Variants in DNAH14 observed in about 807,000 individuals in gnomAD.
The protein encoded by DNAH14 is axonemal beta dynein heavy chain 14.
DNAH14 carries 478 observed loss-of-function variants against 520.9 expected under a neutral mutation model. That is an observed-to-expected ratio of 0.92 (90% CI 0.85 to 0.99). The LOEUF (loss-of-function observed/expected upper bound fraction) is 0.99. DNAH14 is among the 50% of genes least tolerant of loss of function. The probability of loss-of-function intolerance (pLI) is 0.00; values close to 1 mark genes in which losing one functional copy is unlikely to be tolerated. For synonymous variants in DNAH14, 1,581 were observed against 1,757.2 expected (o/e 0.90, Z 2.51); for missense variants, 4,831 against 5,234.5 (o/e 0.92, Z 2.38).
intron 21 of DNAH14, among the ~76,000 whole-genome samples, chr1:225,089,748 TA>T (rs34577348): frequency 5.3e-5 from 8 of 152,172 alleles, no homozygotes; most frequent in Non-Finnish European, 5.9e-5. Context: ...CAGTACATTT[TA>T]AAAAATTTTT....
chr1:225,081,271 T>A (rs557493691), intron 19 of DNAH14, among the ~76,000 whole-genome samples: 169 of 152,340 alleles, frequency 1.1e-3, no homozygotes, highest in African/African-American at 3.8e-3. Context: ...TTGCTTTTTT[T>A]AAAGACTCCT....
At chr1:225,174,844 C>A (rs2083140225) in intron 36 of DNAH14, among the ~76,000 whole-genome samples, 1 of 152,062 alleles carries the variant, frequency 6.6e-6, no homozygotes, top group Non-Finnish European at 1.5e-5. Flanking sequence ...TGATGTATGT[C>A]CCTTCTATGC....
chr1:225,309,134 T>C (rs1402651633), intron 60 of DNAH14, among the ~76,000 whole-genome samples: 1 of 152,238 alleles, frequency 6.6e-6, no homozygotes, highest in East Asian at 1.9e-4. Context: ...AAATACAGAT[T>C]GCAAATAGTC....
intron 41 of DNAH14, among the ~76,000 whole-genome samples, chr1:225,225,142 G>A (rs985124236): frequency 2.6e-5 from 4 of 152,122 alleles, no homozygotes; most frequent in Admixed American, 2.6e-4. Context: ...AACTTACCCA[G>A]AGACTAGCTA....
chr1:225,360,972 T>C, intron 75 of DNAH14, 81 bp downstream of exon 75: 1 of 1,295,720 alleles, frequency 7.7e-7, no homozygotes, highest in Non-Finnish European at 1.1e-6. Context: ...CAATGTATAC[T>C]GTGTGTAAAC....
chr1:225,219,705 T>A (rs952939630), intron 41 of DNAH14, among the ~76,000 whole-genome samples: 2 of 152,104 alleles, frequency 1.3e-5, no homozygotes, highest in African/African-American at 4.8e-5. Context: ...CCAGACAGAT[T>A]AACATCTGAA....
intron 17 of DNAH14, among the ~76,000 whole-genome samples, chr1:225,059,354 C>T (rs576765418): frequency 4.6e-5 from 7 of 152,068 alleles, no homozygotes; most frequent in Non-Finnish European, 1.0e-4. Flanking sequence ...GCAACTCCTG[C>T]CTTTTTTTGT....
chr1:225,077,250 A>C (rs1041163230), intron 17 of DNAH14, among the ~76,000 whole-genome samples: 1 of 152,182 alleles, frequency 6.6e-6, no homozygotes, highest in Non-Finnish European at 1.5e-5. Flanking sequence ...TCTCACATCC[A>C]AATTGATAGA....
chr1:224,943,091 C>T (rs1206585439), intron 1 of DNAH14, among the ~76,000 whole-genome samples: 1 of 152,200 alleles, frequency 6.6e-6, no homozygotes, highest in Admixed American at 6.5e-5. Flanking sequence ...ACCAGCTCTT[C>T]CTTGTACTTC....
chr1:224,959,997 G>A (rs2060744116), intron 3 of DNAH14, among the ~76,000 whole-genome samples, 156 bp from the exon 4 acceptor site: 1 of 152,088 alleles, frequency 6.6e-6, no homozygotes, highest in African/African-American at 2.4e-5. Context: ...TTGTATATGA[G>A]CTTGGAACCC....
chr1:225,020,570 A>G (rs1270825451), intron 10 of DNAH14, among the ~76,000 whole-genome samples: 1 of 151,936 alleles, frequency 6.6e-6, no homozygotes, highest in Non-Finnish European at 1.5e-5. Flanking sequence ...AAAACCTACA[A>G]GAAATTAAAT....
chr1:224,933,455 C>T (rs2058827170), intron 1 of DNAH14, among the ~76,000 whole-genome samples: 1 of 152,012 alleles, frequency 6.6e-6, no homozygotes, highest in East Asian at 1.9e-4. Context: ...CTAGGACTTC[C>T]AGTATGAGGC....
At chr1:225,005,026 T>C (rs936029969) in intron 9 of DNAH14, among the ~76,000 whole-genome samples, 2 of 152,306 alleles carry the variant, frequency 1.3e-5, no homozygotes, top group East Asian at 1.9e-4. Flanking sequence ...GTTTTTGTAT[T>C]ACCAGAGATT....
intron 49 of DNAH14, among the ~76,000 whole-genome samples, chr1:225,269,660 G>T (rs558714352): frequency 6.6e-6 from 1 of 152,290 alleles, no homozygotes; most frequent in East Asian, 1.9e-4. Context: ...CCATCAAAAA[G>T]TGGGCAAAGG....
chr1:225,007,574 A>G, intron 10 of DNAH14, 30 bp downstream of exon 10: 1 of 1,459,426 alleles, frequency 6.9e-7, no homozygotes. Context: ...ATATTTATCA[A>G]AGTTGCAATT....
intron 73 of DNAH14, among the ~76,000 whole-genome samples, chr1:225,355,446 T>C (rs568943221): frequency 6.6e-6 from 1 of 152,118 alleles, no homozygotes; most frequent in African/African-American, 2.4e-5. Context: ...GAAATCTCAC[T>C]ATGTTGCCCA....
rs1039972015 is a variant in DNAH14, at chr1:225,051,438, T to A, written c.2080-13T>A. Reference sequence around the variant, plus strand: ...AAAAATTCTGACTAACATCTCAACATTCTTCTTTACAGATTGTGAATCTCC... The same window carrying A: ...AAAAATTCTGACTAACATCTCAACAATCTTCTTTACAGATTGTGAATCTCC... On this transcript the variant is annotated splice_polypyrimidine_tract_variant and intron_variant, in intron 16 of 85. Transcript: ENST00000682510. 1.4e-6 allele frequency: 2 copies of A among 1,446,316 alleles called. No homozygotes were observed. The highest frequency in any genetic ancestry group is 2.9e-5 in the African/African-American group (2 of 69,318). The allele number at this position is 1,446,316 out of a possible 1,614,324, so 89.6% of individuals were successfully genotyped here. A position where few individuals can be genotyped will look rare whatever the true frequency, so the allele number is the denominator to read the frequency against.
intron 79 of DNAH14, 87 bp from the exon 80 acceptor site, chr1:225,380,072 C>A: frequency 1.5e-6 from 2 of 1,371,978 alleles, no homozygotes; most frequent in Non-Finnish European, 2.0e-6. Flanking sequence ...CTCCTGTCTA[C>A]CAGTAATCTT....
intron 34 of DNAH14, among the ~76,000 whole-genome samples, chr1:225,158,611 G>A (rs186030655): frequency 6.6e-6 from 1 of 152,312 alleles, no homozygotes; most frequent in African/African-American, 2.4e-5. Context: ...TGTTACTTTA[G>A]TGAATATTTG....
Sources: allele counts gnomAD v4.1 joint callset (sites outside exome capture counted in the v4.1 genomes callset), GRCh38; gene constraint gnomAD v4.1.1; transcripts MANE v1.5; gene names NCBI Gene and HGNC (gene_info 2026-07-23, HGNC 2026-07-21).